Variants in SOX5 observed in about 807,000 individuals in gnomAD.
SOX5 encodes transcription factor SOX-5.
SOX5 carries 9 observed loss-of-function variants against 92.0 expected under a neutral mutation model. The ratio of observed to expected loss-of-function variants is 0.10; its 90% CI spans 0.06 to 0.17. SOX5 has a LOEUF of 0.17. Ranked by LOEUF, SOX5 falls within the 10% of genes least tolerant of loss-of-function variation. SOX5 has a pLI of 1.00. For synonymous variants in SOX5, 344 were observed against 336.3 expected (o/e 1.02, Z -0.25); for missense variants, 642 against 944.5 (o/e 0.68, Z 4.20).
intron 8 of SOX5, among the ~76,000 whole-genome samples, chr12:23,605,010 A>C (rs2075059788): frequency 7.4e-6 from 1 of 135,782 alleles, no homozygotes; most frequent in Non-Finnish European, 1.6e-5. Flanking sequence ...GTAGAAGTAC[A>C]GAAAAGGCAC....
intron 1 of SOX5, among the ~76,000 whole-genome samples, chr12:23,948,196 T>C (rs1334600703): frequency 1.3e-5 from 2 of 149,988 alleles, no homozygotes; most frequent in Non-Finnish European, 3.0e-5. Context: ...GCTGGAATTA[T>C]CTAGTAAAGA....
At chr12:24,418,380 A>G (rs1189076034) in intron 1 of SOX5, among the ~76,000 whole-genome samples, 1 of 152,184 alleles carries the variant, frequency 6.6e-6, no homozygotes, top group South Asian at 2.1e-4. Flanking sequence ...AAGCCACTCT[A>G]TAAATAGCAT....
chr12:23,991,472 G>T (rs1033936665), intron 4 of SOX5, among the ~76,000 whole-genome samples: 2 of 151,726 alleles, frequency 1.3e-5, no homozygotes, highest in African/African-American at 4.8e-5. Context: ...CCTCATGTCA[G>T]ATTAGTTTAG....
intron 4 of SOX5, among the ~76,000 whole-genome samples, chr12:24,115,366 G>C (rs1402264161): frequency 5.9e-5 from 9 of 152,212 alleles, no homozygotes; most frequent in Non-Finnish European, 1.0e-4. Flanking sequence ...ATAGAAATCA[G>C]TGTTCGAGCA....
At position 24,101,400 on chromosome 12, in the gene SOX5, G is replaced by A. The variant is rs1312591239; in HGVS notation, c.-2+111943C>T. On this transcript the variant is annotated intron_variant, in intron 4 of 4. Coordinates refer to the SOX5 transcript ENST00000446891. ...TTCAGTTCAAAGGAAACCTTTAGAA[G>A]CTCTATCCTGCCTCCTCTTTATTTC... is the stretch of plus-strand genomic sequence containing the variant. Among the ~76,000 whole-genome samples, 3 of 152,052 alleles carry A rather than the reference G, an allele frequency of 2.0e-5. No homozygotes were observed. In the East Asian group the frequency reaches 5.8e-4, roughly 29 times the overall value.
chr12:24,317,174 A>T (rs928690855), intron 2 of SOX5, among the ~76,000 whole-genome samples: 1 of 152,234 alleles, frequency 6.6e-6, no homozygotes, highest in Admixed American at 6.5e-5. Flanking sequence ...ACTGACTATA[A>T]AATATGCTCT....
chr12:24,351,840 C>T (rs188507066), intron 2 of SOX5, among the ~76,000 whole-genome samples: 161 of 152,312 alleles, frequency 1.1e-3, no homozygotes, highest in African/African-American at 3.8e-3. Flanking sequence ...CACTTACTTT[C>T]TTTCAGTGGC....
intron 8 of SOX5, among the ~76,000 whole-genome samples, chr12:23,630,053 A>G (rs1422639066): frequency 6.6e-6 from 1 of 152,012 alleles, no homozygotes; most frequent in Non-Finnish European, 1.5e-5. Context: ...TCTATTACCT[A>G]GGAAATAAAT....
Position 23,728,822 on chromosome 12 carries a change from G to T in SOX5, c.810+5862C>A, listed in dbSNP as rs77406468. Among the ~76,000 whole-genome samples the T allele has an allele frequency of 6.6e-5, 10 of 152,240 alleles. No individual in the cohort carries two copies. The East Asian group carries it at 1.9e-3, about 29-fold the overall frequency. On this transcript the variant is annotated intron_variant, in intron 6 of 14. Transcript: ENST00000451604. ...AAAAATGAACTGAGCCAAAACTCGG[G>T]TAACTTGGAATTGAGCCATTGTTCC...
chr12:24,305,391 G>C (rs1948453334), intron 2 of SOX5, among the ~76,000 whole-genome samples: 1 of 152,194 alleles, frequency 6.6e-6, no homozygotes, highest in Non-Finnish European at 1.5e-5. Flanking sequence ...TGTCTACAGA[G>C]ATGGGGGTTC....
intron 1 of SOX5, among the ~76,000 whole-genome samples, chr12:24,549,955 A>G (rs551473919): frequency 1.3e-5 from 2 of 152,294 alleles, no homozygotes; most frequent in South Asian, 2.1e-4. Context: ...AAGAAAGGGG[A>G]AAATGCAAGC....
chr12:24,553,944 T>C (rs963195936), intron 1 of SOX5, among the ~76,000 whole-genome samples: 7 of 152,216 alleles, frequency 4.6e-5, no homozygotes, highest in African/African-American at 7.2e-5. Context: ...ATTCGGTTAA[T>C]AGAGAAGGTA....
intron 2 of SOX5, among the ~76,000 whole-genome samples, chr12:24,300,746 T>C (rs910167129): frequency 6.6e-6 from 1 of 152,188 alleles, no homozygotes; most frequent in African/African-American, 2.4e-5. Flanking sequence ...ATCCCAGAGG[T>C]AGCTGATAGT....
At chr12:23,989,562 C>A (rs1056259261) in intron 4 of SOX5, among the ~76,000 whole-genome samples, 1 of 152,158 alleles carries the variant, frequency 6.6e-6, no homozygotes, top group Non-Finnish European at 1.5e-5. Flanking sequence ...CCAAAATTCA[C>A]AGGTTGAAAC....
intron 1 of SOX5, among the ~76,000 whole-genome samples, chr12:24,423,838 G>T (rs1966305741): frequency 6.6e-6 from 1 of 152,164 alleles, no homozygotes; most frequent in African/African-American, 2.4e-5. Flanking sequence ...TGTCCTAGGA[G>T]GTCTGCTAGC....
chr12:23,720,290 C>A (rs1455858483), intron 6 of SOX5, among the ~76,000 whole-genome samples: 1 of 152,038 alleles, frequency 6.6e-6, no homozygotes, highest in Non-Finnish European at 1.5e-5. Context: ...CAGTATTTTA[C>A]GGTGGGAGAA....
In SOX5 at chr12:24,289,486, C is replaced by T. The variant is rs552891682; in HGVS notation, c.-173-12174G>A. ...TTTTTTTTTTTGAGACGGAGTCTCG[C>T]TCTGTCGCCCAGGCTGGAGTGCAGT... On this transcript the variant is annotated intron_variant, in intron 2 of 4. Coordinates refer to the SOX5 transcript ENST00000446891. Among the ~76,000 whole-genome samples the T allele has an allele frequency of 1.2e-3, 157 of 135,730 alleles. 5 individuals are homozygous for T. Among genetic ancestry groups the T allele is most frequent in the Non-Finnish European group, 1.9e-3 (123 of 65,796 alleles). 89.0% of individuals were successfully genotyped at this position (135,730 alleles called of 152,430 possible).
chr12:24,299,406 G>A (rs772018256), intron 2 of SOX5, among the ~76,000 whole-genome samples: 11 of 152,064 alleles, frequency 7.2e-5, no homozygotes, highest in Admixed American at 2.0e-4. Context: ...TATCCAGCCC[G>A]GTGAGAATCT....
At chr12:23,938,991 G>A (rs895248421) in intron 1 of SOX5, among the ~76,000 whole-genome samples, 3 of 150,924 alleles carry the variant, frequency 2.0e-5, no homozygotes, top group African/African-American at 7.3e-5. Flanking sequence ...ATTAAACCTA[G>A]TTTTAAAAAT....
Sources: allele counts gnomAD v4.1 joint callset (sites outside exome capture counted in the v4.1 genomes callset), GRCh38; gene constraint gnomAD v4.1.1; transcripts MANE v1.5; gene names NCBI Gene and HGNC (gene_info 2026-07-23, HGNC 2026-07-21).